Variants in S100A2 observed in about 807,000 individuals in gnomAD.
S100A2 encodes the protein protein S100-A2.
S100A2 carries 5 observed loss-of-function variants against 4.3 expected under a neutral mutation model. The observed-to-expected ratio is 1.16, with a 90% confidence interval of 0.61 to 2.44. S100A2 has a LOEUF of 2.44. Ranked by LOEUF, S100A2 falls within the 30% of genes most tolerant of loss-of-function variation. The pLI, the probability that S100A2 is intolerant of heterozygous loss-of-function variation, is 0.01. For synonymous variants in S100A2, 44 were observed against 46.0 expected (o/e 0.96, Z 0.17); for missense variants, 103 against 114.7 (o/e 0.90, Z 0.47).
At chr1:153,562,969 CAAAA>C (rs35473116) in intron 2 of S100A2, among the ~76,000 whole-genome samples, 7 of 94,530 alleles carry the variant, frequency 7.4e-5, no homozygotes, top group Middle Eastern at 6.7e-3. Context: ...CCCCCCACCA[CAAAA>C]AAAAAAAAAA....
chr1:153,563,478 A>G (rs1305921091), intron 2 of S100A2: 2 of 1,550,506 alleles, frequency 1.3e-6, no homozygotes, highest in Admixed American at 2.0e-5. Context: ...CAAGTCTCCA[A>G]TGACAGGATT....
chr1:153,564,896 C>G (rs1665975271), intron 1 of S100A2, among the ~76,000 whole-genome samples: 1 of 129,436 alleles, frequency 7.7e-6, no homozygotes, highest in African/African-American at 2.7e-5. Context: ...GCAGCAACGC[C>G]CACATGCACA....
intron 2 of S100A2, among the ~76,000 whole-genome samples, chr1:153,562,558 C>A (rs973005550): frequency 1.3e-5 from 2 of 152,174 alleles, no homozygotes; most frequent in Non-Finnish European, 2.9e-5. Context: ...TGACACCTAA[C>A]TTTGGGAATC....
rs1354805376 is a variant in S100A2, at chr1:153,561,343, T to C, written c.*96A>G. ...GAACATCACTGAGCAATTAAAATATTATCAACAGACAAAAAAAGTTTATTG... is the reference window on the plus strand; with the variant it reads ...GAACATCACTGAGCAATTAAAATATCATCAACAGACAAAAAAAGTTTATTG... On this transcript the variant is annotated 3_prime_UTR_variant, in exon 3 of 3. Transcript: ENST00000368708. 28 of 1,441,854 alleles carry C rather than the reference T, an allele frequency of 1.9e-5. No homozygotes were observed. The highest frequency in any genetic ancestry group is 2.5e-5 in the Non-Finnish European group (26 of 1,057,054). 89.3% of individuals were successfully genotyped at this position (1,441,854 alleles called of 1,614,324 possible).
In S100A2 at chr1:153,563,860, C is replaced by T. The variant is rs760736868; in HGVS notation, c.18G>A (p.Leu6=). 1.9e-6 allele frequency: 3 copies of T among 1,614,112 alleles called. No homozygotes were observed. The South Asian group carries it at 3.3e-5, about 18-fold the overall frequency. The part of the protein sequence containing the change: MMCSS[L]EQALAVLVTT... ...TGACCAGCACAGCCAGCGCCTGCTC[C>T]AGAGAACTGCACATCATGGATCTGT... Residue 6 remains leucine (L), a synonymous_variant, in exon 2 of 3, where the codon CTG becomes CTA. Coordinates refer to ENST00000368708, the MANE Select transcript of S100A2 (RefSeq NM_005978.4).
At chr1:153,563,473 C>G (rs755608806) in intron 2 of S100A2, 121 of 1,550,432 alleles carry the variant, frequency 7.8e-5, no homozygotes, top group Non-Finnish European at 1.0e-4. Flanking sequence ...TTTCTCAAGT[C>G]TCCAATGACA....
In S100A2 at chr1:153,563,106, T is replaced by C. The variant is rs554871565; in HGVS notation, c.144+628A>G. Among the ~76,000 whole-genome samples the C allele has an allele frequency of 8.0e-5, 12 of 150,566 alleles. No individual in the cohort carries two copies. In the South Asian group the frequency reaches 2.1e-3, roughly 26 times the overall value. ...CTGACCAATATGATGAAACCCCGTC[T>C]CTACTAAAAATACAAAAATCACTTT... is the stretch of plus-strand genomic sequence containing the variant. On this transcript the variant is annotated intron_variant, in intron 2 of 2. Transcript: ENST00000368708.
chr1:153,561,701 G>A, intron 2 of S100A2, 110 bp from the exon 3 acceptor site: 1 of 1,501,460 alleles, frequency 6.7e-7, no homozygotes, highest in Non-Finnish European at 9.2e-7. Flanking sequence ...CCTCCCCACT[G>A]GGCAGCTGGG....
At chr1:153,563,320 C>T (rs1233335113) in intron 2 of S100A2, 26 of 1,303,686 alleles carry the variant, frequency 2.0e-5, no homozygotes, top group African/African-American at 3.0e-5. Context: ...TGCAGTGAGC[C>T]GAGATCGTGC....
chr1:153,561,413 C>T lies in S100A2; in HGVS notation c.*26G>A. On this transcript the variant is annotated 3_prime_UTR_variant, in exon 3 of 3. Coordinates refer to ENST00000368708, the MANE Select transcript of S100A2 (RefSeq NM_005978.4). ...TCAACAGTCCTGGGCCCAAGAGATCCATGGCAGGAAGTCAAGAGTTCTGCT... is the reference window on the plus strand; with the variant it reads ...TCAACAGTCCTGGGCCCAAGAGATCTATGGCAGGAAGTCAAGAGTTCTGCT... 6.2e-7 allele frequency: 1 copy of T among 1,604,892 alleles called. No homozygotes were observed. Among genetic ancestry groups the T allele is most frequent in the Non-Finnish European group, 8.5e-7 (1 of 1,173,022 alleles).
At chr1:153,564,823 C>T (rs1665971755) in intron 1 of S100A2, among the ~76,000 whole-genome samples, 1 of 120,644 alleles carries the variant, frequency 8.3e-6, no homozygotes, top group Non-Finnish European at 1.6e-5. Flanking sequence ...CTGCCTCTTG[C>T]ACCTTAGTCC....
intron 2 of S100A2, 54 bp downstream of exon 2, chr1:153,563,680 A>G: frequency 6.3e-7 from 1 of 1,595,304 alleles, no homozygotes; most frequent in Non-Finnish European, 8.5e-7. Flanking sequence ...GAGAGATTTA[A>G]CCTGCACCCC....
chr1:153,563,011 C>T (rs891208943), intron 2 of S100A2, among the ~76,000 whole-genome samples: 5 of 150,480 alleles, frequency 3.3e-5, no homozygotes, highest in African/African-American at 7.3e-5. Flanking sequence ...CGGTGGCTCA[C>T]GCCTGTAAGC....
intron 1 of S100A2, among the ~76,000 whole-genome samples, chr1:153,565,107 C>T (rs142167626): frequency 0.017 from 2,589 of 151,566 alleles, 74 homozygotes; most frequent in African/African-American, 0.06. Context: ...ATCAGGAGAT[C>T]GAGACCATCC....
chr1:153,562,600 C>A (rs1665917610), intron 2 of S100A2, among the ~76,000 whole-genome samples: 1 of 152,152 alleles, frequency 6.6e-6, no homozygotes, highest in Admixed American at 6.6e-5. Context: ...GGGTGAGGGA[C>A]AAATTGAAGG....
Position 153,563,896 on chromosome 1 carries a change from G to A in S100A2, c.-10-9C>T. ...ACATCATGGATCTGTGGCTGCAGAG[G>A]TGCCAGGTGATGGGTACACTGCTGA... is the stretch of plus-strand genomic sequence containing the variant. On this transcript the variant is annotated splice_polypyrimidine_tract_variant and intron_variant, in intron 1 of 2. Coordinates refer to ENST00000368708, the MANE Select transcript of S100A2 (RefSeq NM_005978.4). 10 of 1,612,692 alleles carry A rather than the reference G, an allele frequency of 6.2e-6. No individual in the cohort carries two copies. Among genetic ancestry groups the A allele is most frequent in the Non-Finnish European group, 8.5e-6 (10 of 1,179,152 alleles).
Position 153,563,873 on chromosome 1 carries a change from A to C in S100A2, c.5T>G (p.Met2Arg), listed in dbSNP as rs200362870. The C allele has an allele frequency of 2.5e-6, 4 of 1,613,928 alleles. No individual in the cohort carries two copies. In the East Asian group the frequency reaches 8.9e-5, roughly 36 times the overall value. The change falls in exon 2 of 3, where the codon ATG (methionine) becomes AGG (arginine). Residue 2 changes from methionine (M) to arginine (R), a missense_variant. Transcript: ENST00000368708. M[M>R]CSSLEQALAV... ...CAGCGCCTGCTCCAGAGAACTGCAC[A>C]TCATGGATCTGTGGCTGCAGAGGTG... is the stretch of plus-strand genomic sequence containing the variant.
In S100A2 at chr1:153,563,295, C is replaced by G. The variant is rs574600532; in HGVS notation, c.144+439G>C. On this transcript the variant is annotated intron_variant, in intron 2 of 2. Transcript: ENST00000368708. ...GCTGAGACAGGAGAATTGCTTGACC[C>G]CTGGAGGCAGAGGTTGCAGTGAGCC... 673 of 990,578 alleles carry G rather than the reference C, an allele frequency of 6.8e-4. 13 individuals carry two copies. The South Asian group carries it at 0.01, about 15-fold the overall frequency. The allele number at this position is 990,578 out of a possible 1,614,324, so 61.4% of individuals were successfully genotyped here. A position where few individuals can be genotyped will look rare whatever the true frequency, so the allele number is the denominator to read the frequency against.
intron 2 of S100A2, chr1:153,563,343 G>A: frequency 6.8e-7 from 1 of 1,480,236 alleles, no homozygotes. Flanking sequence ...TTGCACTCCA[G>A]CCTGGGCAAC....
Sources: gnomAD v4.1 joint callset for allele counts (sites outside exome capture counted in the v4.1 genomes callset) on GRCh38, gnomAD v4.1.1 for gene constraint, MANE v1.5 for transcripts, NCBI Gene and HGNC (gene_info 2026-07-23, HGNC 2026-07-21) for gene names.